MINDY4: variants seen among roughly 807,000 people sequenced by gnomAD.
MINDY4 encodes probable ubiquitin carboxyl-terminal hydrolase MINDY-4.
In MINDY4, 68 loss-of-function variants were observed where a neutral mutation model predicts 87.0. That is an observed-to-expected ratio of 0.78 (90% CI 0.64 to 0.96). The LOEUF (loss-of-function observed/expected upper bound fraction) is 0.96, where lower values mean the gene tolerates loss of function less well. MINDY4 is among the 40% of genes least tolerant of loss of function. The pLI is 0.00. For missense variants in MINDY4, 919 were observed against 928.2 expected (o/e 0.99, Z 0.13); for synonymous variants, 379 against 363.2 (o/e 1.04, Z -0.50).
At chr7:30,828,270 A>G (rs1397425249) in intron 5 of MINDY4, among the ~76,000 whole-genome samples, 1 of 152,212 alleles carries the variant, frequency 6.6e-6, no homozygotes, top group Non-Finnish European at 1.5e-5. Flanking sequence ...AACAAAAAAC[A>G]TAGAGATGAG....
At chr7:30,881,931 C>T (rs1013305780) in intron 15 of MINDY4, among the ~76,000 whole-genome samples, 2 of 151,856 alleles carry the variant, frequency 1.3e-5, no homozygotes, top group Admixed American at 1.3e-4. Flanking sequence ...GATGAGGGGG[C>T]GAGTGATACC....
chr7:30,816,252 G>C (rs1412642146), intron 5 of MINDY4, among the ~76,000 whole-genome samples: 1 of 151,412 alleles, frequency 6.6e-6, no homozygotes, highest in Non-Finnish European at 1.5e-5. Context: ...GTACAGTTTT[G>C]TTTTGCAAAC....
intron 15 of MINDY4, among the ~76,000 whole-genome samples, chr7:30,878,893 A>G (rs1366738053): frequency 6.6e-6 from 1 of 152,146 alleles, no homozygotes; most frequent in Non-Finnish European, 1.5e-5. Flanking sequence ...AAGCCCATCC[A>G]CTTTCACCAG....
At chr7:30,889,815 ATCATAT>A (rs1790743388) in intron 17 of MINDY4, among the ~76,000 whole-genome samples, 1 of 152,190 alleles carries the variant, frequency 6.6e-6, no homozygotes, top group Non-Finnish European at 1.5e-5. Flanking sequence ...TGAAAGTGTT[ATCATAT>A]ACCTCTTGTC....
chr7:30,827,191 C>T (rs1488844086), intron 5 of MINDY4, among the ~76,000 whole-genome samples: 1 of 152,104 alleles, frequency 6.6e-6, no homozygotes, highest in Non-Finnish European at 1.5e-5. Flanking sequence ...CTGCTGTTCC[C>T]TGCTTGAAAT....
At chr7:30,841,214 C>T (rs1214637467) in intron 9 of MINDY4, among the ~76,000 whole-genome samples, 2 of 152,246 alleles carry the variant, frequency 1.3e-5, no homozygotes, top group African/African-American at 2.4e-5. Flanking sequence ...CCCACGCTAT[C>T]TCCCCTCTGC....
intron 9 of MINDY4, among the ~76,000 whole-genome samples, chr7:30,844,319 C>T (rs1425185895): frequency 6.6e-6 from 1 of 152,190 alleles, no homozygotes; most frequent in Non-Finnish European, 1.5e-5. Flanking sequence ...AGAGCTGTCA[C>T]AGGGAGACAA....
intron 5 of MINDY4, among the ~76,000 whole-genome samples, chr7:30,809,804 A>C (rs1158961494): frequency 6.6e-6 from 1 of 152,046 alleles, no homozygotes; most frequent in Non-Finnish European, 1.5e-5. Flanking sequence ...GGGGGAAAAA[A>C]AAGGGGGGCA....
chr7:30,788,766 C>T (rs1157056706), intron 4 of MINDY4, among the ~76,000 whole-genome samples: 1 of 152,192 alleles, frequency 6.6e-6, no homozygotes, highest in Non-Finnish European at 1.5e-5. Context: ...CCTAGATGGT[C>T]GTGCAGTGCC....
chr7:30,777,819 C>T (rs1004442367), intron 1 of MINDY4, among the ~76,000 whole-genome samples: 3 of 152,196 alleles, frequency 2.0e-5, no homozygotes, highest in Admixed American at 2.0e-4. Context: ...CAGGCACTTG[C>T]GAACAGGACC....
chr7:30,797,152 C>T (rs1297286609), intron 5 of MINDY4, among the ~76,000 whole-genome samples: 1 of 152,148 alleles, frequency 6.6e-6, no homozygotes, highest in African/African-American at 2.4e-5. Context: ...CCTGGAGAGC[C>T]AGTTGTTAAC....
chr7:30,813,309 C>T (rs1003779698), intron 5 of MINDY4, among the ~76,000 whole-genome samples: 1 of 152,176 alleles, frequency 6.6e-6, no homozygotes, highest in Non-Finnish European at 1.5e-5. Context: ...TGTTAAGGAT[C>T]TGGGAGGGAA....
Position 30,791,430 on chromosome 7 carries a change from C to T in MINDY4, c.929C>T (p.Ser310Phe). 1.9e-6 allele frequency: 3 copies of T among 1,614,134 alleles called. No individual in the cohort carries two copies. The highest frequency in any genetic ancestry group is 2.5e-6 in the Non-Finnish European group (3 of 1,180,014). Residue 310 changes from serine to phenylalanine, a missense_variant, in exon 5 of 18, where the codon TCC becomes TTC. Physicochemically the swap from Ser to Phe is radical, Grantham distance 155. Coordinates refer to ENST00000265299, the MANE Select transcript of MINDY4 (RefSeq NM_032222.3). ...PWDRARPRDP[S>F]EDTPAVDGST... ...GACAGGGCCAGGCCGAGGGATCCCT[C>T]CGAGGACACCCCAGCAGTGGACGGC... is the stretch of plus-strand genomic sequence containing the variant.
At chr7:30,828,382 T>C (rs1788583487) in intron 5 of MINDY4, among the ~76,000 whole-genome samples, 1 of 151,968 alleles carries the variant, frequency 6.6e-6, no homozygotes, top group African/African-American at 2.4e-5. Flanking sequence ...ATTGGCGAGA[T>C]AGCCTACATG....
At chr7:30,840,235 G>A (rs1377740837) in intron 8 of MINDY4, among the ~76,000 whole-genome samples, 1 of 152,188 alleles carries the variant, frequency 6.6e-6, no homozygotes, top group African/African-American at 2.4e-5. Flanking sequence ...GCACCACAGG[G>A]TGAGAAAGGA....
chr7:30,791,677 GGT>G, intron 5 of MINDY4, 103 bp downstream of exon 5: 1 of 1,266,940 alleles, frequency 7.9e-7, no homozygotes, highest in Non-Finnish European at 1.1e-6. Flanking sequence ...TAGTCTCCTT[GGT>G]CTCTCAGAAC....
intron 13 of MINDY4, among the ~76,000 whole-genome samples, chr7:30,862,436 C>T (rs185679468): frequency 2.0e-5 from 3 of 152,384 alleles, no homozygotes; most frequent in Admixed American, 6.5e-5. Flanking sequence ...GCTCCTCTCA[C>T]GTGCCAGGCA....
At chr7:30,808,565 A>T (rs1191778292) in intron 5 of MINDY4, among the ~76,000 whole-genome samples, 1 of 152,122 alleles carries the variant, frequency 6.6e-6, no homozygotes, top group Admixed American at 6.6e-5. Flanking sequence ...AGCCCACCCC[A>T]CTAGGAACTA....
intron 5 of MINDY4, among the ~76,000 whole-genome samples, chr7:30,811,944 A>G (rs1031245335): frequency 5.3e-5 from 8 of 152,086 alleles, no homozygotes; most frequent in African/African-American, 1.9e-4. Context: ...CTTTAACTCA[A>G]TGTCTGAGGG....
Sources: allele counts gnomAD v4.1 joint callset (sites outside exome capture counted in the v4.1 genomes callset), GRCh38; gene constraint gnomAD v4.1.1; transcripts MANE v1.5; gene names NCBI Gene and HGNC (gene_info 2026-07-23, HGNC 2026-07-21).